Variants in PIK3AP1 observed in about 807,000 individuals in gnomAD.
PIK3AP1 encodes the protein phosphoinositide-3-kinase adaptor protein 1, also known as phosphoinositide 3-kinase adapter protein 1.
Under a neutral mutation model 88.1 loss-of-function variants are expected in PIK3AP1, and 21 were observed. The observed-to-expected ratio is 0.24, with a 90% CI of 0.17 to 0.34. The LOEUF is 0.34. PIK3AP1 is among the 10% of genes least tolerant of loss of function. PIK3AP1 has a pLI of 1.00. For missense variants in PIK3AP1, 828 were observed against 1,035.7 expected, an observed-to-expected ratio of 0.80 and a Z score of 2.75; for synonymous variants, 398 against 400.0, an observed-to-expected ratio of 1.00 and a Z score of 0.06.
chr10:96,618,324 C>A (rs1174191764), intron 12 of PIK3AP1, among the ~76,000 whole-genome samples: 6 of 152,118 alleles, frequency 3.9e-5, no homozygotes, highest in Admixed American at 6.5e-5. Context: ...AACAAAAAAA[C>A]CATACTTGGA....
In PIK3AP1 at chr10:96,601,473, CAAAA is replaced by C. The variant is rs11407501; in HGVS notation, c.2360+803_2360+806del. Among the ~76,000 whole-genome samples the C allele has an allele frequency of 9.9e-4, 75 of 75,494 alleles. No individual in the cohort carries two copies. The South Asian group carries it at 0.021, about 21-fold the overall frequency. 49.5% of individuals were successfully genotyped at this position (75,494 alleles called of 152,430 possible). ...TGGGTAACAGAACAAGAATCTATCT[CAAAA>C]AAAAAAAAAAAAAAAAGGAAATTGA... On this transcript the variant is annotated intron_variant, in intron 16 of 16. Coordinates refer to ENST00000339364, the MANE Select transcript of PIK3AP1 (RefSeq NM_152309.3).
intron 11 of PIK3AP1, chr10:96,621,655 C>G (rs1464286854): frequency 6.6e-6 from 1 of 152,376 alleles, no homozygotes; most frequent in East Asian, 1.9e-4. Flanking sequence ...GCCATCGCAG[C>G]CTGCCATTCC....
chr10:96,603,196 A>G (rs1055265226), intron 15 of PIK3AP1, among the ~76,000 whole-genome samples: 1 of 152,184 alleles, frequency 6.6e-6, no homozygotes, highest in African/African-American at 2.4e-5. Flanking sequence ...AAACTTAACC[A>G]TTTTAAAGTG....
At chr10:96,686,227 G>C (rs1463171099) in intron 2 of PIK3AP1, among the ~76,000 whole-genome samples, 4 of 152,126 alleles carry the variant, frequency 2.6e-5, no homozygotes, top group Non-Finnish European at 5.9e-5. Flanking sequence ...TGCTTCAGCG[G>C]AGAACTAACT....
At chr10:96,601,078 A>AT (rs965129529) in intron 16 of PIK3AP1, among the ~76,000 whole-genome samples, 1 of 49,394 alleles carries the variant, frequency 2.0e-5, no homozygotes, top group Admixed American at 3.2e-4. Flanking sequence ...CCTCTCCTGT[A>AT]TAAAAAAAAA....
chr10:96,637,486 C>A (rs7907753), intron 8 of PIK3AP1, among the ~76,000 whole-genome samples: 1,754 of 152,162 alleles, frequency 0.012, 40 homozygotes, highest in African/African-American at 0.04. Flanking sequence ...GCCTCCTTAA[C>A]TACAGGCATG....
intron 2 of PIK3AP1, among the ~76,000 whole-genome samples, chr10:96,702,367 C>T (rs1490313979): frequency 6.6e-6 from 1 of 151,920 alleles, no homozygotes; most frequent in Non-Finnish European, 1.5e-5. Flanking sequence ...GGCGTGTTGG[C>T]ACGTGCCTGT....
intron 10 of PIK3AP1, among the ~76,000 whole-genome samples, chr10:96,624,073 G>C (rs1193347707): frequency 6.6e-6 from 1 of 152,218 alleles, no homozygotes; most frequent in African/African-American, 2.4e-5. Context: ...CCTGGGCTCT[G>C]AAAGAGGCTC....
At chr10:96,686,868 T>C (rs961600257) in intron 2 of PIK3AP1, among the ~76,000 whole-genome samples, 6 of 152,188 alleles carry the variant, frequency 3.9e-5, no homozygotes, top group Non-Finnish European at 8.8e-5. Context: ...TGGCCCACTC[T>C]GCCCTGTGAA....
chr10:96,634,314 C>A (rs1224815294), intron 8 of PIK3AP1, among the ~76,000 whole-genome samples: 1 of 152,154 alleles, frequency 6.6e-6, no homozygotes, highest in Non-Finnish European at 1.5e-5. Flanking sequence ...AGTAAAGGTA[C>A]GGACAAGGGC....
intron 2 of PIK3AP1, among the ~76,000 whole-genome samples, chr10:96,685,052 G>A (rs943517861): frequency 5.3e-5 from 8 of 152,082 alleles, no homozygotes; most frequent in African/African-American, 7.2e-5. Flanking sequence ...TGGCTTTTGC[G>A]GAGGAAGGAA....
Position 96,605,408 on chromosome 10 carries a change from A to G in PIK3AP1, c.2171-1359T>C, listed in dbSNP as rs187230250. On this transcript the variant is annotated intron_variant, in intron 14 of 16. Transcript: ENST00000339364. ...AAAATGTAAATAACCACGTGTGGCC[A>G]GTGGCTACCATAACTGGACAGCACA... 5.3e-5 allele frequency among the ~76,000 whole-genome samples: 8 copies of G among 152,360 alleles called. No individual in the cohort carries two copies. In the East Asian group the frequency reaches 1.5e-3, roughly 29 times the overall value.
intron 2 of PIK3AP1, among the ~76,000 whole-genome samples, chr10:96,700,303 C>A (rs1844280374): frequency 6.6e-6 from 1 of 152,086 alleles, no homozygotes; most frequent in Non-Finnish European, 1.5e-5. Context: ...AAACTGTAAT[C>A]CTGGGCGACT....
chr10:96,601,223 C>T (rs1357608314), intron 16 of PIK3AP1, among the ~76,000 whole-genome samples: 1 of 152,060 alleles, frequency 6.6e-6, no homozygotes. Flanking sequence ...TCTGTAATCC[C>T]AGCACTTTGG....
intron 2 of PIK3AP1, among the ~76,000 whole-genome samples, chr10:96,688,624 T>C (rs111640492): frequency 7.9e-5 from 12 of 151,894 alleles, no homozygotes; most frequent in African/African-American, 2.2e-4. Context: ...CATGGTGAAA[T>C]CCCATCTCTA....
chr10:96,608,604 GGAT>G (rs1285679990), intron 14 of PIK3AP1, among the ~76,000 whole-genome samples: 1 of 152,208 alleles, frequency 6.6e-6, no homozygotes, highest in African/African-American at 2.4e-5. Context: ...CATCTATAAA[GGAT>G]GAAGGAAAAC....
At chr10:96,630,655 A>T (rs10882833) in intron 8 of PIK3AP1, among the ~76,000 whole-genome samples, 131,943 of 151,386 alleles carry the variant, frequency 0.87, 58,427 homozygotes, top group East Asian at 1. Context: ...GACAACACAC[A>T]GAAACCCTGT....
At chr10:96,699,162 A>C (rs992656663) in intron 2 of PIK3AP1, among the ~76,000 whole-genome samples, 8 of 152,166 alleles carry the variant, frequency 5.3e-5, no homozygotes, top group African/African-American at 1.7e-4. Flanking sequence ...CCAGCCTGGG[A>C]AACAAGGGCA....
chr10:96,705,630 T>C (rs1844351377), intron 2 of PIK3AP1, among the ~76,000 whole-genome samples: 1 of 150,798 alleles, frequency 6.6e-6, no homozygotes, highest in Non-Finnish European at 1.5e-5. Flanking sequence ...ATCCCCAGGC[T>C]GGAATGCAGT....
Sources: gnomAD v4.1 joint callset for allele counts (sites outside exome capture counted in the v4.1 genomes callset) on GRCh38, gnomAD v4.1.1 for gene constraint, MANE v1.5 for transcripts, NCBI Gene and HGNC (gene_info 2026-07-23, HGNC 2026-07-21) for gene names.